Variants in LRRC49 observed in about 807,000 individuals in gnomAD.
The protein encoded by LRRC49 is leucine-rich repeat-containing protein 49.
In LRRC49, 50 loss-of-function variants were observed where a neutral mutation model predicts 83.3. That is an observed-to-expected ratio of 0.60 (90% CI 0.48 to 0.76). The LOEUF (loss-of-function observed/expected upper bound fraction) is 0.76, where lower values mean the gene tolerates loss of function less well. LRRC49 is among the 30% of genes least tolerant of loss of function. The pLI is 0.00. For synonymous variants in LRRC49, 286 were observed against 283.3 expected, an observed-to-expected ratio of 1.01 and a Z score of -0.10; for missense variants, 704 against 809.1, an observed-to-expected ratio of 0.87 and a Z score of 1.58.
chr15:71,006,976 C>G (rs2038481007), intron 11 of LRRC49, among the ~76,000 whole-genome samples: 1 of 152,004 alleles, frequency 6.6e-6, no homozygotes, highest in Non-Finnish European at 1.5e-5. Context: ...AGATTATTAT[C>G]TAAGACCATT....
chr15:71,008,588 A>C lies in LRRC49; in HGVS notation c.1379A>C (p.Lys460Thr), dbSNP rs969078569. ...GATGAAATCGTCCAAGTGCTTCCTA[A>C]ACTGAAGATTAAGTTTCCTAATTCT... ...EFDEIVQVLP[K>T]LKIKFPNSLH... Residue 460 changes from lysine (K) to threonine (T), a missense_variant, in exon 12 of 16, where the codon AAA becomes ACA. By Grantham distance (78) the Lys-to-Thr change is moderately conservative (BLOSUM62 -1). Coordinates refer to ENST00000260382, the MANE Select transcript of LRRC49 (RefSeq NM_017691.5). 6.2e-7 allele frequency: 1 copy of C among 1,611,790 alleles called. No homozygotes were observed. Among genetic ancestry groups the C allele is most frequent in the Non-Finnish European group, 8.5e-7 (1 of 1,178,520 alleles).
At chr15:70,947,895 C>G (rs543799286) in intron 8 of LRRC49, among the ~76,000 whole-genome samples, 15 of 152,230 alleles carry the variant, frequency 9.9e-5, no homozygotes, top group Admixed American at 9.8e-4. Flanking sequence ...TCCTTATCCC[C>G]TAGGACAATG....
chr15:70,925,600 G>A (rs144630692), intron 7 of LRRC49, among the ~76,000 whole-genome samples: 1 of 152,070 alleles, frequency 6.6e-6, no homozygotes, highest in Non-Finnish European at 1.5e-5. Context: ...TCATATTGGT[G>A]CTTTCTTTGT....
intron 6 of LRRC49, among the ~76,000 whole-genome samples, chr15:70,912,665 T>TTTTATTTATTTA (rs563678548): frequency 2.0e-5 from 3 of 151,368 alleles, no homozygotes; most frequent in African/African-American, 7.3e-5. Context: ...TCTATATTTA[T>TTTTATTTATTTA]TTTATTTATT....
intron 10 of LRRC49, 135 bp from the exon 11 acceptor site, chr15:70,983,959 A>G: frequency 1.6e-6 from 1 of 633,778 alleles, no homozygotes. Flanking sequence ...TTTAGAATGT[A>G]TTGGGTATCT....
intron 6 of LRRC49, among the ~76,000 whole-genome samples, chr15:70,916,713 G>T (rs1319370654): frequency 6.6e-6 from 1 of 152,166 alleles, no homozygotes; most frequent in East Asian, 1.9e-4. Flanking sequence ...TGGACCTGGG[G>T]ACAAGTGGGA....
intron 10 of LRRC49, 46 bp downstream of exon 10, chr15:70,980,230 C>A (rs1490419295): frequency 1.5e-6 from 2 of 1,354,296 alleles, no homozygotes; most frequent in African/African-American, 1.5e-5. Flanking sequence ...CACGTAGACA[C>A]ACATACCCCA....
rs2039358510 is a variant in LRRC49 at position 71,031,737 on chromosome 15, C to CACT, written c.1704-5442_1704-5441insACT. Reference sequence around the variant, plus strand: ...GTAAGGAGGAATCTAGAGAAGCAGTCTGGCCAGAGTCACTTTGCCATGCCC... The same window carrying CACT: ...GTAAGGAGGAATCTAGAGAAGCAGTCACTTGGCCAGAGTCACTTTGCCATGCCC... On this transcript the variant is annotated intron_variant, in intron 14 of 15. Coordinates refer to ENST00000260382, the MANE Select transcript of LRRC49 (RefSeq NM_017691.5). Among the ~76,000 whole-genome samples, 19 of 152,270 alleles carry CACT rather than the reference C, an allele frequency of 1.2e-4. No homozygotes were observed. The South Asian group carries it at 3.9e-3, about 32-fold the overall frequency.
At position 70,900,928 on chromosome 15, in the gene LRRC49, A is replaced by G. The variant is rs773996221; in HGVS notation, c.200A>G (p.His67Arg). The change falls in exon 4 of 16, where the codon CAT becomes CGT. Residue 67 changes from histidine (H) to arginine (R), a missense_variant. His to Arg is a conservative substitution (Grantham distance 29). Coordinates refer to ENST00000260382, the MANE Select transcript of LRRC49 (RefSeq NM_017691.5). ...TGTATATCATTTTTAATAGGTGATC[A>G]TATTAATTTGGTGAGCTCATCATTG... ...ERNYSSRQGD[H>R]INLVSSSLSS... is the part of the protein sequence containing the mutation. 4.4e-6 allele frequency: 7 copies of G among 1,574,946 alleles called. No individual in the cohort carries two copies. The Admixed American group carries it at 5.3e-5, about 12-fold the overall frequency.
chr15:70,930,707 T>C (rs1052015521), intron 7 of LRRC49, among the ~76,000 whole-genome samples: 3 of 152,230 alleles, frequency 2.0e-5, no homozygotes, highest in African/African-American at 7.2e-5. Context: ...CTTAGCTGGA[T>C]TATCTAGGTA....
At chr15:70,932,319 A>G (rs920169600) in intron 7 of LRRC49, among the ~76,000 whole-genome samples, 8 of 152,190 alleles carry the variant, frequency 5.3e-5, no homozygotes, top group African/African-American at 1.9e-4. Context: ...CTGTGTCACA[A>G]AGTGATAGGT....
chr15:70,962,853 A>C (rs2036652247), intron 8 of LRRC49, among the ~76,000 whole-genome samples: 1 of 152,114 alleles, frequency 6.6e-6, no homozygotes, highest in African/African-American at 2.4e-5. Context: ...CAAATAGTTG[A>C]GTATGAAAAG....
intron 3 of LRRC49, chr15:70,898,461 T>A (rs1462042708): frequency 2.9e-6 from 2 of 699,666 alleles, no homozygotes; most frequent in Admixed American, 4.0e-5. Context: ...ATCTGGTAAG[T>A]TAAATAGTAA....
At chr15:70,870,555 A>AGAGG (rs2033004174) in intron 1 of LRRC49, among the ~76,000 whole-genome samples, 1 of 113,734 alleles carries the variant, frequency 8.8e-6, no homozygotes, top group Non-Finnish European at 2.0e-5. Context: ...CAATGGCGTG[A>AGAGG]TCTTGGCTCA....
chr15:71,001,106 C>T (rs190851148), intron 11 of LRRC49, among the ~76,000 whole-genome samples: 129 of 152,270 alleles, frequency 8.5e-4, no homozygotes, highest in Middle Eastern at 3.4e-3. Context: ...TAAAAACATT[C>T]TCCCATTTTG....
intron 14 of LRRC49, among the ~76,000 whole-genome samples, chr15:71,025,384 G>A (rs969879608): frequency 2.0e-4 from 31 of 152,256 alleles, no homozygotes; most frequent in Admixed American, 7.2e-4. Context: ...GAGATTGGAG[G>A]AAAAGCCATT....
At position 71,051,419 on chromosome 15, in the gene LRRC49, A is replaced by G. The variant is rs1465419919; in HGVS notation, c.*1807A>G. 1 of 152,234 alleles carries G rather than the reference A, an allele frequency of 6.6e-6. No individual in the cohort carries two copies. The highest frequency in any genetic ancestry group is 1.9e-4 in the East Asian group (1 of 5,190). 9.4% of individuals were successfully genotyped at this position (152,234 alleles called of 1,614,324 possible). On this transcript the variant is annotated 3_prime_UTR_variant, in exon 16 of 16. Coordinates refer to ENST00000260382, the MANE Select transcript of LRRC49 (RefSeq NM_017691.5). ...CTTTAGCCTCTCCAAACTGAAACATATGGACCATTTCTCATCTGGCTAGTA... is the reference window on the plus strand; with the variant it reads ...CTTTAGCCTCTCCAAACTGAAACATGTGGACCATTTCTCATCTGGCTAGTA...
intron 5 of LRRC49, among the ~76,000 whole-genome samples, chr15:70,906,371 A>G (rs2034315216): frequency 6.6e-6 from 1 of 152,186 alleles, no homozygotes; most frequent in Non-Finnish European, 1.5e-5. Flanking sequence ...CTGGGATTAC[A>G]GGCGTGAGCC....
chr15:71,048,125 A>G (rs2039909443), intron 15 of LRRC49, among the ~76,000 whole-genome samples: 1 of 126,952 alleles, frequency 7.9e-6, no homozygotes, highest in Non-Finnish European at 1.6e-5. Context: ...TCACTCTGTT[A>G]CTCAGGCTGG....
Sources: allele counts gnomAD v4.1 joint callset (sites outside exome capture counted in the v4.1 genomes callset), GRCh38; gene constraint gnomAD v4.1.1; transcripts MANE v1.5; gene names NCBI Gene and HGNC (gene_info 2026-07-23, HGNC 2026-07-21).